CADM2: variants seen among roughly 807,000 people sequenced by gnomAD.
CADM2 encodes the protein immunoglobulin superfamily member 4D.
CADM2 carries 12 observed loss-of-function variants against 49.8 expected under a neutral mutation model. The observed-to-expected ratio is 0.24, with a 90% CI of 0.15 to 0.39. The LOEUF (loss-of-function observed/expected upper bound fraction) is 0.39. Ranked by LOEUF, CADM2 falls within the 10% of genes least tolerant of loss-of-function variation. The pLI is 1.00. For synonymous variants in CADM2, 214 were observed against 175.4 expected, an observed-to-expected ratio of 1.22 and a Z score of -1.74; for missense variants, 378 against 492.3, an observed-to-expected ratio of 0.77 and a Z score of 2.20.
chr3:85,076,115 C>T (rs369127050), intron 1 of CADM2, among the ~76,000 whole-genome samples: 57 of 150,924 alleles, frequency 3.8e-4, no homozygotes, highest in African/African-American at 1.3e-3. Flanking sequence ...TTGATGTTCT[C>T]CATGCATTAC....
chr3:85,690,266 C>A (rs2107678795), intron 1 of CADM2, among the ~76,000 whole-genome samples: 1 of 152,066 alleles, frequency 6.6e-6, no homozygotes, highest in African/African-American at 2.4e-5. Flanking sequence ...AAGGAAATTT[C>A]TGTGGGGAAA....
chr3:85,580,513 G>T (rs1321915861), intron 1 of CADM2, among the ~76,000 whole-genome samples: 2 of 152,188 alleles, frequency 1.3e-5, no homozygotes, highest in Non-Finnish European at 2.9e-5. Context: ...GGGTGGTAAA[G>T]GTGGCTTGTG....
intron 1 of CADM2, among the ~76,000 whole-genome samples, chr3:85,347,015 G>A (rs957939073): frequency 6.6e-6 from 1 of 151,906 alleles, no homozygotes. Context: ...TTGACGTCAG[G>A]AGTTCAAGAC....
At chr3:85,232,134 ATAT>A (rs10575918) in intron 1 of CADM2, among the ~76,000 whole-genome samples, 79,530 of 146,214 alleles carry the variant, frequency 0.54, 22,327 homozygotes, top group Admixed American at 0.65. Context: ...CGATTTGAAG[ATAT>A]TATTATTATT....
intron 1 of CADM2, among the ~76,000 whole-genome samples, chr3:85,428,123 A>G (rs955577208): frequency 1.7e-4 from 26 of 151,548 alleles, no homozygotes; most frequent in Non-Finnish European, 4.4e-5. Flanking sequence ...TTATTTCACT[A>G]TGAACTGTTG....
At chr3:85,563,653 G>A (rs545111844) in intron 1 of CADM2, among the ~76,000 whole-genome samples, 26 of 151,976 alleles carry the variant, frequency 1.7e-4, no homozygotes, top group African/African-American at 6.3e-4. Context: ...AAAAGGGAGC[G>A]GAATTCCAAG....
chr3:85,413,161 A>AAATAAT (rs1206383142), intron 1 of CADM2, among the ~76,000 whole-genome samples: 14 of 108,510 alleles, frequency 1.3e-4, no homozygotes, highest in African/African-American at 5.7e-4. Flanking sequence ...AAAAAAAAAA[A>AAATAAT]AATAATAATA....
At position 85,116,700 on chromosome 3, in the gene CADM2, C is replaced by T. The variant is rs72905254; in HGVS notation, c.61+157032C>T. ...GCTATAGGCAACCCTACTTATCAGC[C>T]GTTTAATGTGAGGCCTGTCTTGTTC... On this transcript the variant is annotated intron_variant, in intron 1 of 9. Coordinates refer to ENST00000383699, the MANE Select transcript of CADM2 (RefSeq NM_001167675.2). 6.5e-3 allele frequency among the ~76,000 whole-genome samples: 985 copies of T among 151,836 alleles called. 12 individuals carry two copies. Among genetic ancestry groups the T allele is most frequent in the African/African-American group, 0.022 (892 of 41,372 alleles).
intron 3 of CADM2, among the ~76,000 whole-genome samples, chr3:85,867,965 A>G (rs904169277): frequency 6.6e-6 from 1 of 152,072 alleles, no homozygotes; most frequent in Non-Finnish European, 1.5e-5. Flanking sequence ...AAACAAGTGA[A>G]TCAGCTCTAC....
intron 1 of CADM2, among the ~76,000 whole-genome samples, chr3:85,206,514 A>C (rs1317540304): frequency 1.3e-5 from 2 of 151,768 alleles, no homozygotes; most frequent in Non-Finnish European, 2.9e-5. Flanking sequence ...TCACCGTGTT[A>C]GCCAGGATGG....
Position 84,982,338 on chromosome 3 carries a change from A to G in CADM2, c.61+22670A>G, listed in dbSNP as rs144242421. On this transcript the variant is annotated intron_variant, in intron 1 of 9. Coordinates refer to ENST00000383699, the MANE Select transcript of CADM2 (RefSeq NM_001167675.2). The stretch of plus-strand genomic sequence containing the variant: ...AGTATTTCAAAATAAATATAAGCCT[A>G]TAAATTAAAAGTAGTATTTTAAACA... Among the ~76,000 whole-genome samples, 374 of 152,286 alleles carry G rather than the reference A, an allele frequency of 2.5e-3. 1 individual carries two copies. Among genetic ancestry groups the G allele is most frequent in the African/African-American group, 8.4e-3 (349 of 41,566 alleles).
intron 1 of CADM2, among the ~76,000 whole-genome samples, chr3:85,416,814 A>G (rs754783863): frequency 1.3e-5 from 2 of 152,222 alleles, no homozygotes; most frequent in South Asian, 2.1e-4. Flanking sequence ...TCTTAAAACT[A>G]TCATCAATGA....
intron 1 of CADM2, among the ~76,000 whole-genome samples, chr3:85,231,996 T>G (rs1278769595): frequency 6.6e-6 from 1 of 151,922 alleles, no homozygotes; most frequent in East Asian, 1.9e-4. Flanking sequence ...ATTACAGACG[T>G]GAGCCATTGG....
At chr3:85,964,691 T>C (rs1020616224) in intron 8 of CADM2, among the ~76,000 whole-genome samples, 2 of 151,738 alleles carry the variant, frequency 1.3e-5, no homozygotes, top group South Asian at 2.1e-4. Flanking sequence ...CTAATACCTG[T>C]AAGATTAAAC....
At chr3:85,644,694 C>T (rs573117362) in intron 1 of CADM2, among the ~76,000 whole-genome samples, 1 of 152,196 alleles carries the variant, frequency 6.6e-6, no homozygotes, top group Non-Finnish European at 1.5e-5. Flanking sequence ...TGCCTTTGCC[C>T]AAACTTAAAT....
chr3:85,987,202 C>A (rs1728218522), intron 8 of CADM2, among the ~76,000 whole-genome samples: 1 of 151,938 alleles, frequency 6.6e-6, no homozygotes, highest in Non-Finnish European at 1.5e-5. Flanking sequence ...TCCACTATTA[C>A]CTATTAAAGG....
intron 1 of CADM2, among the ~76,000 whole-genome samples, chr3:85,041,428 A>G (rs2035437077): frequency 6.6e-6 from 1 of 152,200 alleles, no homozygotes; most frequent in African/African-American, 2.4e-5. Flanking sequence ...GAGTAAGAAT[A>G]GGAGAAAGAC....
intron 5 of CADM2, among the ~76,000 whole-genome samples, chr3:85,902,355 T>G (rs1004668207): frequency 6.6e-6 from 1 of 152,010 alleles, no homozygotes; most frequent in African/African-American, 2.4e-5. Context: ...TTGCTTGCTG[T>G]TTGTATCATA....
chr3:85,079,619 T>C (rs540518087), intron 1 of CADM2, among the ~76,000 whole-genome samples: 4 of 151,856 alleles, frequency 2.6e-5, no homozygotes, highest in East Asian at 1.9e-4. Flanking sequence ...AATAAGACAA[T>C]GCTGAATGCA....
Sources: allele counts gnomAD v4.1 joint callset (sites outside exome capture counted in the v4.1 genomes callset), GRCh38; gene constraint gnomAD v4.1.1; transcripts MANE v1.5; gene names NCBI Gene and HGNC (gene_info 2026-07-23, HGNC 2026-07-21).